CSMD1: variants seen among roughly 807,000 people sequenced by gnomAD.
CSMD1 encodes the protein CUB and sushi domain-containing protein 1.
In CSMD1, 213 loss-of-function variants were observed where a neutral mutation model predicts 417.5. That is an observed-to-expected ratio of 0.51 (90% CI 0.46 to 0.57). CSMD1 has a LOEUF of 0.57. Among genes scored for constraint, CSMD1 ranks in the 20% least tolerant of loss-of-function variants. The pLI is 0.00. For synonymous variants in CSMD1, 2,862 were observed against 1,736.8 expected (o/e 1.65, Z -16.11); for missense variants, 6,923 against 4,529.7 (o/e 1.53, Z -15.17).
At chr8:4,178,533 C>G (rs1266495039) in intron 3 of CSMD1, among the ~76,000 whole-genome samples, 2 of 150,948 alleles carry the variant, frequency 1.3e-5, no homozygotes, top group African/African-American at 2.4e-5. Context: ...GACAGGGATG[C>G]CCTCTCTCAC....
At chr8:4,576,213 C>A (rs1246383178) in intron 2 of CSMD1, among the ~76,000 whole-genome samples, 3 of 152,210 alleles carry the variant, frequency 2.0e-5, no homozygotes, top group Admixed American at 1.3e-4. Context: ...CTACTCCAGT[C>A]CCCACCTCGT....
chr8:4,093,828 G>C (rs1442566873), intron 3 of CSMD1, among the ~76,000 whole-genome samples: 1 of 152,060 alleles, frequency 6.6e-6, no homozygotes, highest in South Asian at 2.1e-4. Context: ...GGGTGTGGTG[G>C]TGCATGCCTG....
intron 3 of CSMD1, among the ~76,000 whole-genome samples, chr8:4,180,967 T>C (rs1798337762): frequency 6.6e-6 from 1 of 152,272 alleles, no homozygotes; most frequent in Admixed American, 6.5e-5. Flanking sequence ...GATGATGCTG[T>C]GATAATGGCT....
chr8:3,520,111 C>T (rs1350599572), intron 10 of CSMD1, among the ~76,000 whole-genome samples: 1 of 151,048 alleles, frequency 6.6e-6, no homozygotes, highest in Non-Finnish European at 1.5e-5. Flanking sequence ...CTTAAACATA[C>T]TTACAGGCAC....
chr8:4,082,729 G>C (rs903766683), intron 3 of CSMD1, among the ~76,000 whole-genome samples: 1 of 150,350 alleles, frequency 6.7e-6, no homozygotes, highest in Non-Finnish European at 1.5e-5. Context: ...TCGTCATTTA[G>C]CATTAGGTAT....
At chr8:3,596,253 C>G (rs932444824) in intron 8 of CSMD1, among the ~76,000 whole-genome samples, 2 of 152,204 alleles carry the variant, frequency 1.3e-5, no homozygotes, top group Non-Finnish European at 2.9e-5. Context: ...CTCCATCATG[C>G]ATCAGCCTCA....
intron 66 of CSMD1, among the ~76,000 whole-genome samples, chr8:2,950,880 T>C (rs1802580615): frequency 2.0e-5 from 3 of 152,202 alleles, no homozygotes; most frequent in Non-Finnish European, 2.9e-5. Context: ...TGACTTAATA[T>C]GTGCATAATT....
chr8:4,132,976 C>T (rs1240857629), intron 3 of CSMD1, among the ~76,000 whole-genome samples: 4 of 152,080 alleles, frequency 2.6e-5, no homozygotes, highest in Admixed American at 2.0e-4. Context: ...CTCTGTTATC[C>T]AGGCTGCAGT....
At chr8:4,731,168 A>G (rs1375862397) in intron 1 of CSMD1, among the ~76,000 whole-genome samples, 1 of 152,178 alleles carries the variant, frequency 6.6e-6, no homozygotes, top group African/African-American at 2.4e-5. Context: ...CCGAGCTGTA[A>G]CTGAAAGTTA....
chr8:3,373,003 T>C (rs1394621822), intron 18 of CSMD1, among the ~76,000 whole-genome samples: 1 of 152,198 alleles, frequency 6.6e-6, no homozygotes, highest in Non-Finnish European at 1.5e-5. Context: ...ATTGATGCAA[T>C]AATTTCTCAA....
At chr8:3,710,556 C>G (rs1801449252) in intron 6 of CSMD1, among the ~76,000 whole-genome samples, 3 of 152,172 alleles carry the variant, frequency 2.0e-5, no homozygotes, top group Admixed American at 1.3e-4. Flanking sequence ...ACTGTCTTCC[C>G]TCACTGATGT....
At chr8:3,920,741 AATATC>A in intron 5 of CSMD1, among the ~76,000 whole-genome samples, 1 of 27,376 alleles carries the variant, frequency 3.7e-5, no homozygotes, top group Non-Finnish European at 8.0e-5. Context: ...TGATCCTATA[AATATC>A]ATATTTTGTT....
chr8:4,664,905 A>C (rs78960794), intron 1 of CSMD1, among the ~76,000 whole-genome samples: 5,860 of 152,300 alleles, frequency 0.038, 164 homozygotes, highest in East Asian at 0.13. Context: ...GTTTCTATTT[A>C]CATAAAAAAC....
intron 3 of CSMD1, among the ~76,000 whole-genome samples, chr8:4,254,928 C>A (rs903582419): frequency 2.1e-4 from 32 of 152,292 alleles, no homozygotes; most frequent in Non-Finnish European, 7.3e-5. Context: ...ACATTCCCAT[C>A]ACTAATCAAC....
chr8:3,229,170 C>G (rs1010861176), intron 27 of CSMD1, among the ~76,000 whole-genome samples: 1 of 152,156 alleles, frequency 6.6e-6, no homozygotes, highest in African/African-American at 2.4e-5. Flanking sequence ...CAAACCCCCT[C>G]AAGGTCATCC....
intron 3 of CSMD1, among the ~76,000 whole-genome samples, chr8:4,126,822 G>C (rs187340157): frequency 4.9e-4 from 75 of 152,262 alleles, no homozygotes; most frequent in Non-Finnish European, 8.7e-4. Context: ...TGGGGTAGGA[G>C]ATGTCCAGGA....
At chr8:3,450,605 G>C (rs1311374919) in intron 12 of CSMD1, among the ~76,000 whole-genome samples, 1 of 151,772 alleles carries the variant, frequency 6.6e-6, no homozygotes, top group South Asian at 2.1e-4. Context: ...GAGAATCATG[G>C]TTTCCAGCTT....
At chr8:4,094,327 G>C (rs943312447) in intron 3 of CSMD1, among the ~76,000 whole-genome samples, 1 of 152,134 alleles carries the variant, frequency 6.6e-6, no homozygotes, top group Admixed American at 6.5e-5. Context: ...TAGGAACCCA[G>C]GCCAGAGGTG....
intron 5 of CSMD1, among the ~76,000 whole-genome samples, chr8:3,916,524 C>T (rs542384495): frequency 5.3e-5 from 8 of 152,198 alleles, no homozygotes; most frequent in Admixed American, 1.3e-4. Flanking sequence ...CTTAGGGATA[C>T]GCCTAGGTTG....
Sources: allele counts gnomAD v4.1 joint callset (sites outside exome capture counted in the v4.1 genomes callset), GRCh38; gene constraint gnomAD v4.1.1; transcripts MANE v1.5; gene names NCBI Gene and HGNC (gene_info 2026-07-23, HGNC 2026-07-21).